The following PLCB1 variants were observed in gnomAD, a reference collection of about 807,000 sequenced individuals.
PLCB1 encodes the protein 1-phosphatidylinositol 4,5-bisphosphate phosphodiesterase beta-1.
In PLCB1, 46 loss-of-function variants were observed where a neutral mutation model predicts 161.8. The ratio of observed to expected loss-of-function variants is 0.28; its 90% CI spans 0.22 to 0.36. PLCB1 has a LOEUF of 0.36. Among genes scored for constraint, PLCB1 ranks in the 10% least tolerant of loss-of-function variants. The probability of loss-of-function intolerance (pLI) is 1.00; values close to 1 mark genes in which losing one functional copy is unlikely to be tolerated. For synonymous variants in PLCB1, 517 were observed against 503.7 expected (o/e 1.03, Z -0.35); for missense variants, 1,016 against 1,472.5 (o/e 0.69, Z 5.07).
chr20:8,196,316 T>G lies in PLCB1; in HGVS notation c.177+45945T>G, dbSNP rs139914550. ...TTTGGCAGTTGGCTCTTTGACCAAT[T>G]TGCCTCTAATTCAAACTCTGTATCA... On this transcript the variant is annotated intron_variant, in intron 2 of 31. Transcript: ENST00000338037. Among the ~76,000 whole-genome samples the G allele has an allele frequency of 7.7e-3, 1,174 of 152,228 alleles. 15 individuals carry two copies. Among genetic ancestry groups the G allele is most frequent in the African/African-American group, 0.025 (1,049 of 41,552 alleles).
intron 10 of PLCB1, among the ~76,000 whole-genome samples, chr20:8,692,052 A>G (rs1217463942): frequency 6.6e-6 from 1 of 152,188 alleles, no homozygotes; most frequent in Non-Finnish European, 1.5e-5. Context: ...CTTCAGAAAC[A>G]CTGGAAAGGC....
At chr20:8,601,342 T>C (rs1987581022) in intron 3 of PLCB1, among the ~76,000 whole-genome samples, 2 of 152,254 alleles carry the variant, frequency 1.3e-5, no homozygotes, top group South Asian at 4.2e-4. Flanking sequence ...TAGTACCCAT[T>C]AGTTATTTTT....
At chr20:8,649,510 C>A in intron 7 of PLCB1, 61 bp downstream of exon 7, 1 of 1,166,470 alleles carries the variant, frequency 8.6e-7, no homozygotes. Flanking sequence ...CATGTTGAAA[C>A]TTAATCCCCA....
At chr20:8,399,215 C>A (rs1369123946) in intron 3 of PLCB1, among the ~76,000 whole-genome samples, 1 of 151,562 alleles carries the variant, frequency 6.6e-6, no homozygotes, top group Non-Finnish European at 1.5e-5. Flanking sequence ...TTTGTCCCAA[C>A]ACTATTTTTT....
intron 3 of PLCB1, among the ~76,000 whole-genome samples, chr20:8,515,255 G>A (rs969782630): frequency 6.6e-5 from 10 of 152,136 alleles, no homozygotes; most frequent in Non-Finnish European, 1.5e-4. Flanking sequence ...AGCTGTTTCA[G>A]TAATAGCATC....
At chr20:8,675,309 A>G (rs1456981223) in intron 9 of PLCB1, among the ~76,000 whole-genome samples, 2 of 152,166 alleles carry the variant, frequency 1.3e-5, no homozygotes, top group Non-Finnish European at 2.9e-5. Flanking sequence ...TTCCCACCTA[A>G]TAAGTACCTG....
chr20:8,699,557 C>A (rs1033173436), intron 11 of PLCB1, among the ~76,000 whole-genome samples: 1 of 152,070 alleles, frequency 6.6e-6, no homozygotes, highest in African/African-American at 2.4e-5. Context: ...AAAAAGATCC[C>A]AAACCCCAGC....
intron 3 of PLCB1, among the ~76,000 whole-genome samples, chr20:8,535,818 A>T (rs1272747821): frequency 6.6e-6 from 1 of 152,200 alleles, no homozygotes; most frequent in Non-Finnish European, 1.5e-5. Context: ...TATATACATT[A>T]TTATGGTCAA....
chr20:8,510,764 C>T (rs1983851945), intron 3 of PLCB1, among the ~76,000 whole-genome samples: 2 of 152,310 alleles, frequency 1.3e-5, no homozygotes, highest in Middle Eastern at 3.4e-3. Context: ...AATTGTCATT[C>T]TGAAGAAGTA....
At chr20:8,323,218 T>C (rs1212577675) in intron 2 of PLCB1, among the ~76,000 whole-genome samples, 1 of 152,198 alleles carries the variant, frequency 6.6e-6, no homozygotes, top group African/African-American at 2.4e-5. Context: ...TTTAAGTTGT[T>C]TATAAGGTAT....
chr20:8,178,666 C>T (rs7268951), intron 2 of PLCB1, among the ~76,000 whole-genome samples: 14,801 of 152,098 alleles, frequency 0.097, 1,150 homozygotes, highest in African/African-American at 0.21. Context: ...TTTTTGTTTT[C>T]GTTGCAATTG....
intron 23 of PLCB1, among the ~76,000 whole-genome samples, chr20:8,756,132 A>G (rs1254849136): frequency 6.6e-6 from 1 of 152,146 alleles, no homozygotes; most frequent in Non-Finnish European, 1.5e-5. Context: ...AAGGGACTCC[A>G]TTTAGATTCT....
chr20:8,471,485 C>G (rs1292918842), intron 3 of PLCB1, among the ~76,000 whole-genome samples: 1 of 152,068 alleles, frequency 6.6e-6, no homozygotes, highest in Non-Finnish European at 1.5e-5. Context: ...CTGGATGAAA[C>G]AGCAGCAATT....
At chr20:8,167,147 A>G (rs1010562135) in intron 2 of PLCB1, among the ~76,000 whole-genome samples, 2 of 152,168 alleles carry the variant, frequency 1.3e-5, no homozygotes, top group Non-Finnish European at 2.9e-5. Context: ...AGTGAAGGGT[A>G]CAGTTGGCTC....
intron 3 of PLCB1, among the ~76,000 whole-genome samples, chr20:8,424,369 GT>G (rs1202487963): frequency 1.3e-5 from 2 of 152,116 alleles, no homozygotes; most frequent in African/African-American, 2.4e-5. Flanking sequence ...TATTTGTTTG[GT>G]TACACTATAA....
intron 12 of PLCB1, among the ~76,000 whole-genome samples, chr20:8,711,082 T>C (rs1477413834): frequency 2.6e-5 from 4 of 152,248 alleles, no homozygotes; most frequent in Non-Finnish European, 5.9e-5. Context: ...ATCGCCATTT[T>C]ACAGATGATG....
intron 2 of PLCB1, among the ~76,000 whole-genome samples, chr20:8,367,420 C>G (rs137884315): frequency 6.6e-6 from 1 of 152,106 alleles, no homozygotes; most frequent in African/African-American, 2.4e-5. Context: ...ACAGGTGACA[C>G]GGAGCAAATC....
At chr20:8,272,634 C>G (rs1277197283) in intron 2 of PLCB1, among the ~76,000 whole-genome samples, 1 of 152,132 alleles carries the variant, frequency 6.6e-6, no homozygotes, top group Non-Finnish European at 1.5e-5. Context: ...ACACTCCAAA[C>G]CAGTTTCCCA....
At chr20:8,764,946 GTTTA>G (rs1982236798) in intron 25 of PLCB1, among the ~76,000 whole-genome samples, 189 bp from the exon 26 acceptor site, 1 of 152,208 alleles carries the variant, frequency 6.6e-6, no homozygotes, top group Non-Finnish European at 1.5e-5. Flanking sequence ...TCTCTGAGAA[GTTTA>G]GTAACATAGT....
Sources: gnomAD v4.1 joint callset for allele counts (sites outside exome capture counted in the v4.1 genomes callset) on GRCh38, gnomAD v4.1.1 for gene constraint, MANE v1.5 for transcripts, NCBI Gene and HGNC (gene_info 2026-07-23, HGNC 2026-07-21) for gene names.